The following SCOC variants were observed in gnomAD, a reference collection of about 807,000 sequenced individuals.
SCOC encodes short coiled-coil protein, also known as short coiled coil protein.
SCOC carries 7 observed loss-of-function variants against 9.9 expected under a neutral mutation model. That is an observed-to-expected ratio of 0.71 (90% confidence interval 0.40 to 1.33). SCOC has a LOEUF of 1.33. Ranked by LOEUF, SCOC falls within the 40% of genes most tolerant of loss-of-function variation. The pLI is 0.01. For missense variants in SCOC, 66 were observed against 89.7 expected (o/e 0.74, Z 1.07); for synonymous variants, 19 against 28.2 (o/e 0.67, Z 1.03).
At chr4:140,291,041 A>G (rs1731455158) in intron 1 of SCOC, among the ~76,000 whole-genome samples, 2 of 152,216 alleles carry the variant, frequency 1.3e-5, no homozygotes, top group South Asian at 4.1e-4. Context: ...AACTTGCCAT[A>G]AACTCCACAC....
At chr4:140,328,785 C>T (rs1337934001) in intron 1 of SCOC, among the ~76,000 whole-genome samples, 1 of 152,192 alleles carries the variant, frequency 6.6e-6, no homozygotes, top group Non-Finnish European at 1.5e-5. Context: ...ACAAGACTGT[C>T]ACTGCCACCC....
chr4:140,274,777 C>A (rs1367660063), intron 1 of SCOC, among the ~76,000 whole-genome samples: 1 of 152,234 alleles, frequency 6.6e-6, no homozygotes, highest in African/African-American at 2.4e-5. Flanking sequence ...TTCTCAAAAG[C>A]CTTCAACCAC....
upstream of SCOC, among the ~76,000 whole-genome samples, chr4:140,341,620 T>C (rs953236166): frequency 5.3e-5 from 8 of 152,226 alleles, no homozygotes; most frequent in African/African-American, 1.9e-4. Context: ...CCTAAAATAC[T>C]GGTCCATGAT....
At chr4:140,268,642 G>C (rs559325706) in intron 1 of SCOC, among the ~76,000 whole-genome samples, 1 of 152,184 alleles carries the variant, frequency 6.6e-6, no homozygotes, top group Non-Finnish European at 1.5e-5. Flanking sequence ...GACATGTTGT[G>C]CTGGTCAGAA....
intron 1 of SCOC, among the ~76,000 whole-genome samples, chr4:140,261,573 T>C (rs1188230329): frequency 6.6e-6 from 1 of 152,204 alleles, no homozygotes; most frequent in Non-Finnish European, 1.5e-5. Flanking sequence ...TAGTGAGTAC[T>C]CCAATGTGCA....
chr4:140,285,878 C>A (rs17005686), intron 1 of SCOC, among the ~76,000 whole-genome samples: 1 of 151,930 alleles, frequency 6.6e-6, no homozygotes, highest in Non-Finnish European at 1.5e-5. Flanking sequence ...ATCTGCACCA[C>A]GGTGTTAGAA....
chr4:140,295,946 AAG>A (rs1196514571), intron 1 of SCOC, among the ~76,000 whole-genome samples: 1 of 141,176 alleles, frequency 7.1e-6, no homozygotes, highest in African/African-American at 2.8e-5. Context: ...AAAAAAAAAA[AAG>A]AAAGAAAGAA....
chr4:140,312,580 C>G (rs1481192192), intron 1 of SCOC, among the ~76,000 whole-genome samples: 1 of 152,036 alleles, frequency 6.6e-6, no homozygotes, highest in Non-Finnish European at 1.5e-5. Flanking sequence ...GTGTGCACCA[C>G]CATGCCTGGC....
chr4:140,371,135 T>G (rs1470104236), upstream of SCOC, among the ~76,000 whole-genome samples: 3 of 152,168 alleles, frequency 2.0e-5, no homozygotes, highest in African/African-American at 7.2e-5. Context: ...TCCACCCGCC[T>G]CGACCTCCCA....
At chr4:140,313,068 A>G (rs1209094591) in intron 1 of SCOC, among the ~76,000 whole-genome samples, 3 of 152,190 alleles carry the variant, frequency 2.0e-5, no homozygotes, top group African/African-American at 7.2e-5. Flanking sequence ...CCAGCTGGAA[A>G]GCCCATGTGA....
At chr4:140,306,423 T>C (rs1877410) in intron 1 of SCOC, among the ~76,000 whole-genome samples, 60,062 of 151,914 alleles carry the variant, frequency 0.4, 14,322 homozygotes, top group African/African-American at 0.67. Context: ...AGTTAGGATA[T>C]AGACAAGAAA....
chr4:140,261,509 A>G (rs1250953567), intron 1 of SCOC, among the ~76,000 whole-genome samples: 1 of 152,122 alleles, frequency 6.6e-6, no homozygotes, highest in Admixed American at 6.5e-5. Context: ...GGTCCCTTTG[A>G]TTTCCCTGCC....
chr4:140,327,340 G>T (rs1225860219), intron 1 of SCOC, among the ~76,000 whole-genome samples: 1 of 152,044 alleles, frequency 6.6e-6, no homozygotes, highest in Non-Finnish European at 1.5e-5. Context: ...CCACTCTCAG[G>T]TGGGATTTCA....
chr4:140,332,619 T>C (rs1396279773), intron 1 of SCOC, among the ~76,000 whole-genome samples: 1 of 152,066 alleles, frequency 6.6e-6, no homozygotes, highest in African/African-American at 2.4e-5. Flanking sequence ...CCTCTTGAAC[T>C]GCCTGCCTCA....
At chr4:140,374,137 G>C (rs1458367949) in intron 1 of SCOC, 1 of 464,168 alleles carries the variant, frequency 2.2e-6, no homozygotes, top group Non-Finnish European at 4.3e-6. Flanking sequence ...TGAGAGATGG[G>C]AGGGGAGGCT....
At chr4:140,317,380 A>C (rs1002460551) in intron 1 of SCOC, among the ~76,000 whole-genome samples, 6 of 152,118 alleles carry the variant, frequency 3.9e-5, no homozygotes, top group Admixed American at 1.3e-4. Flanking sequence ...TGCTTGTGTT[A>C]TCTATAGATT....
At chr4:140,276,480 T>C (rs1434685399) in intron 1 of SCOC, among the ~76,000 whole-genome samples, 1 of 151,716 alleles carries the variant, frequency 6.6e-6, no homozygotes, top group African/African-American at 2.4e-5. Context: ...TTTTGTTTGT[T>C]TGAGACAGAG....
At position 140,381,263 on chromosome 4, in the gene SCOC, ATAAGTTTGTGTATTATG is replaced by A; in HGVS notation, c.*161_*177del. On this transcript the variant is annotated 3_prime_UTR_variant, in exon 4 of 4. Coordinates refer to ENST00000608372, the MANE Select transcript of SCOC (RefSeq NM_001153484.2). ...AATAACACAATAACAGGAGACTTCC[ATAAGTTTGTGTATTATG>A]TTAGTCTATGAAAACGTGCAAATGT... The A allele has an allele frequency of 1.6e-6, 1 of 641,344 alleles. No individual in the cohort carries two copies. The highest frequency in any genetic ancestry group is 2.5e-6 in the Non-Finnish European group (1 of 393,954). 39.7% of individuals were successfully genotyped at this position (641,344 alleles called of 1,614,324 possible).
chr4:140,258,298 A>T (rs1241858876), intron 1 of SCOC, among the ~76,000 whole-genome samples: 1 of 152,216 alleles, frequency 6.6e-6, no homozygotes, highest in Non-Finnish European at 1.5e-5. Flanking sequence ...TGGAGAATTC[A>T]TCTTGTCCCC....
Sources: allele counts gnomAD v4.1 joint callset (sites outside exome capture counted in the v4.1 genomes callset), GRCh38; gene constraint gnomAD v4.1.1; transcripts MANE v1.5; gene names NCBI Gene and HGNC (gene_info 2026-07-23, HGNC 2026-07-21).